The following GNPTAB variants were observed in gnomAD, a reference collection of about 807,000 sequenced individuals.
GNPTAB encodes N-acetylglucosamine-1-phosphate transferase subunits alpha and beta, also known as N-acetylglucosamine-1-phosphotransferase subunits alpha/beta.
In GNPTAB, 92 loss-of-function variants were observed where a neutral mutation model predicts 136.6. The ratio of observed to expected loss-of-function variants is 0.67; its 90% CI spans 0.57 to 0.80. GNPTAB has a LOEUF of 0.80. Among genes scored for constraint, GNPTAB ranks in the 30% least tolerant of loss-of-function variants. The probability of loss-of-function intolerance (pLI) is 0.00; values close to 1 mark genes in which losing one functional copy is unlikely to be tolerated. For missense variants in GNPTAB, 1,343 were observed against 1,501.8 expected, an observed-to-expected ratio of 0.89 and a Z score of 1.75; for synonymous variants, 512 against 535.1, an observed-to-expected ratio of 0.96 and a Z score of 0.60.
chr12:101,773,841 T>C (rs1051201250), intron 7 of GNPTAB: 2 of 152,226 alleles, frequency 1.3e-5, no homozygotes, highest in Non-Finnish European at 2.9e-5. Flanking sequence ...AGCTGTAGTT[T>C]GTGCCTAAGG....
chr12:101,747,776 G>A (rs1030339181), intron 20 of GNPTAB, among the ~76,000 whole-genome samples: 1 of 151,422 alleles, frequency 6.6e-6, no homozygotes, highest in Non-Finnish European at 1.5e-5. Context: ...AAGGTGGCAG[G>A]TATGGCAGGA....
rs113494833 is a variant in GNPTAB at position 101,793,968 on chromosome 12, C to G, written c.203+2709G>C. On this transcript the variant is annotated intron_variant, in intron 2 of 20. Transcript: ENST00000299314. ...ACCAATTCTCCCTGCCTCAGCCTCC[C>G]AAGTAGCTGGGATTATAGGCAACCA... Among the ~76,000 whole-genome samples the G allele has an allele frequency of 3.7e-3, 570 of 152,250 alleles. 5 individuals are homozygous for G. The highest frequency in any genetic ancestry group is 0.013 in the African/African-American group (525 of 41,570).
intron 1 of GNPTAB, among the ~76,000 whole-genome samples, chr12:101,803,887 G>T (rs1869786383): frequency 1.3e-5 from 2 of 152,090 alleles, no homozygotes; most frequent in Admixed American, 6.6e-5. Flanking sequence ...AAAAAAGAAA[G>T]ATTTGTTTGC....
intron 19 of GNPTAB, among the ~76,000 whole-genome samples, chr12:101,749,564 C>T (rs563613681): frequency 1.3e-5 from 2 of 152,338 alleles, no homozygotes; most frequent in East Asian, 3.9e-4. Flanking sequence ...GAAGTCCCTG[C>T]TTTTAAGTGT....
chr12:101,819,708 T>C (rs185477042), intron 1 of GNPTAB, among the ~76,000 whole-genome samples: 5 of 152,332 alleles, frequency 3.3e-5, no homozygotes, highest in African/African-American at 4.8e-5. Flanking sequence ...GAATCACACA[T>C]AGGCTGACTA....
intron 4 of GNPTAB, among the ~76,000 whole-genome samples, chr12:101,788,016 T>C (rs971254913): frequency 1.3e-5 from 2 of 151,646 alleles, no homozygotes; most frequent in African/African-American, 4.8e-5. Context: ...GAGGTGACAA[T>C]TAACAGAGAT....
chr12:101,751,154 A>C (rs908190480), intron 19 of GNPTAB, among the ~76,000 whole-genome samples: 1 of 152,168 alleles, frequency 6.6e-6, no homozygotes, highest in African/African-American at 2.4e-5. Flanking sequence ...AGCCTTTCAC[A>C]ATCTTTTTTC....
At chr12:101,781,895 AG>A (rs1868366888) in intron 5 of GNPTAB, among the ~76,000 whole-genome samples, 1 of 152,242 alleles carries the variant, frequency 6.6e-6, no homozygotes, top group Non-Finnish European at 1.5e-5. Context: ...AAAGTAGCTA[AG>A]GGCATCTCAT....
intron 1 of GNPTAB, among the ~76,000 whole-genome samples, chr12:101,819,860 C>CT: frequency 6.6e-6 from 1 of 152,236 alleles, no homozygotes; most frequent in East Asian, 1.9e-4. Context: ...TATAGGAAGC[C>CT]TACATATATT....
At chr12:101,790,081 C>T (rs771732472) in intron 2 of GNPTAB, 24 bp from the exon 3 acceptor site, 1 of 1,614,036 alleles carries the variant, frequency 6.2e-7, no homozygotes, top group Admixed American at 1.7e-5. Flanking sequence ...ACAAATCCTC[C>T]AGCTTAAATG....
chr12:101,772,704 G>A (rs1471105965), intron 7 of GNPTAB, among the ~76,000 whole-genome samples: 1 of 152,142 alleles, frequency 6.6e-6, no homozygotes, highest in African/African-American at 2.4e-5. Flanking sequence ...CTGGGTCCCT[G>A]TCTACCCTCT....
At chr12:101,795,793 A>T (rs1166704016) in intron 2 of GNPTAB, 1 of 152,372 alleles carries the variant, frequency 6.6e-6, no homozygotes, top group East Asian at 1.9e-4. Flanking sequence ...TAAAATAAAC[A>T]CCTTTTATAA....
intron 2 of GNPTAB, 80 bp from the exon 3 acceptor site, chr12:101,790,137 C>T (rs2137150510): frequency 5.0e-6 from 8 of 1,589,184 alleles, no homozygotes; most frequent in Non-Finnish European, 6.9e-6. Flanking sequence ...AGGGTTTAAA[C>T]CCAGAGATTA....
chr12:101,823,540 G>A (rs571304251), intron 1 of GNPTAB, among the ~76,000 whole-genome samples: 8 of 151,032 alleles, frequency 5.3e-5, no homozygotes, highest in East Asian at 2.0e-4. Context: ...AACCCAGGAG[G>A]TGCAGGTTGC....
intron 1 of GNPTAB, among the ~76,000 whole-genome samples, chr12:101,819,739 C>T (rs1447439069): frequency 6.6e-6 from 1 of 152,048 alleles, no homozygotes; most frequent in Non-Finnish European, 1.5e-5. Flanking sequence ...GAAGATTCTG[C>T]ATCTGTATCG....
intron 5 of GNPTAB, chr12:101,785,734 TAATTCAGAGCC>T (rs1230352396): frequency 1.0e-5 from 4 of 392,094 alleles, no homozygotes; most frequent in Admixed American, 4.2e-5. Flanking sequence ...GCCTCTAGAA[TAATTCAGAGCC>T]AAGAGAACAA....
At position 101,746,862 on chromosome 12, in the gene GNPTAB, C is replaced by T. The variant is rs1337819577; in HGVS notation, c.*302G>A. 4 of 332,850 alleles carry T rather than the reference C, an allele frequency of 1.2e-5. No individual in the cohort carries two copies. Among genetic ancestry groups the T allele is most frequent in the Admixed American group, 8.9e-5 (2 of 22,464 alleles). The allele number at this position is 332,850 out of a possible 1,614,324, so 20.6% of individuals were successfully genotyped here. On this transcript the variant is annotated 3_prime_UTR_variant, in exon 21 of 21. Coordinates refer to ENST00000299314, the MANE Select transcript of GNPTAB (RefSeq NM_024312.5). Reference sequence around the variant, plus strand: ...TAATAAAGTTAGTCTGCAATGATTGCTGTGGGAAATTAACAGCTGTCTCTT... The same window carrying T: ...TAATAAAGTTAGTCTGCAATGATTGTTGTGGGAAATTAACAGCTGTCTCTT...
At position 101,765,000 on chromosome 12, in the gene GNPTAB, T is replaced by G. The variant is rs1216130552; in HGVS notation, c.1917A>C (p.Pro639=). 1.9e-6 allele frequency: 3 copies of G among 1,614,216 alleles called. No individual in the cohort carries two copies. Among genetic ancestry groups the G allele is most frequent in the Non-Finnish European group, 2.5e-6 (3 of 1,180,028 alleles). ...ITVEVDTREG[P]KLNSTAQKGY... Reference sequence around the variant, plus strand: ...CCTTCTGGGCTGTAGAATTCAGTTTTGGTCCCTCCCTTGTGTCCACCTCCA... The same window carrying G: ...CCTTCTGGGCTGTAGAATTCAGTTTGGGTCCCTCCCTTGTGTCCACCTCCA... The change falls in exon 13 of 21, where the codon CCA becomes CCC. Residue 639 remains proline, a synonymous_variant. Transcript: ENST00000299314.
intron 2 of GNPTAB, chr12:101,796,113 TG>T: frequency 1.5e-6 from 1 of 647,016 alleles, no homozygotes. Flanking sequence ...ACCAATGGAG[TG>T]GGGTTCAGCC....
Sources: gnomAD v4.1 joint callset for allele counts (sites outside exome capture counted in the v4.1 genomes callset) on GRCh38, gnomAD v4.1.1 for gene constraint, MANE v1.5 for transcripts, NCBI Gene and HGNC (gene_info 2026-07-23, HGNC 2026-07-21) for gene names.